The following OTOF variants were observed in gnomAD, a reference collection of about 807,000 sequenced individuals.
The protein encoded by OTOF is fer-1-like family member 2.
OTOF carries 218 observed loss-of-function variants against 236.8 expected under a neutral mutation model. That is an observed-to-expected ratio of 0.92 (90% CI 0.82 to 1.03). The LOEUF (loss-of-function observed/expected upper bound fraction) is 1.03. OTOF is among the 50% of genes least tolerant of loss of function. The probability of loss-of-function intolerance (pLI) is 0.00; values close to 1 mark genes in which losing one functional copy is unlikely to be tolerated. For missense variants in OTOF, 2,590 were observed against 2,694.4 expected, an observed-to-expected ratio of 0.96 and a Z score of 0.86; for synonymous variants, 1,041 against 1,072.5, an observed-to-expected ratio of 0.97 and a Z score of 0.57.
Position 26,461,971 on chromosome 2 carries a change from G to C in OTOF, c.5292-34C>G. 1.2e-6 allele frequency: 2 copies of C among 1,613,680 alleles called. No homozygotes were observed. The highest frequency in any genetic ancestry group is 2.2e-5 in the South Asian group (2 of 91,058). On this transcript the variant is annotated intron_variant, in intron 42 of 46. Transcript: ENST00000272371. This position sits in a 1 kb window ranked among gnomAD's most constrained non-coding sequence, Gnocchi z 6.2. Reference sequence around the variant, plus strand: ...GCCACATCTCCAGACCCGCAGCCAGGCTGGTGGGGCCTCTCCCACCCACAG... The same window carrying C: ...GCCACATCTCCAGACCCGCAGCCAGCCTGGTGGGGCCTCTCCCACCCACAG...
intron 2 of OTOF, among the ~76,000 whole-genome samples, chr2:26,534,004 T>A (rs1431292696): frequency 6.6e-6 from 1 of 152,062 alleles, no homozygotes; most frequent in African/African-American, 2.4e-5. Context: ...TCCTTGTTTG[T>A]AGTGGGTCCA....
At chr2:26,554,000 G>A (rs975157625) in intron 1 of OTOF, among the ~76,000 whole-genome samples, 3 of 152,036 alleles carry the variant, frequency 2.0e-5, no homozygotes, top group South Asian at 2.1e-4. Flanking sequence ...GTGAAACACC[G>A]TCTCTACTAA....
At chr2:26,520,882 A>G (rs1666660637) in intron 3 of OTOF, among the ~76,000 whole-genome samples, 1 of 152,246 alleles carries the variant, frequency 6.6e-6, no homozygotes, top group Non-Finnish European at 1.5e-5. Flanking sequence ...CATGAGCAGA[A>G]TCACCTGGAG....
chr2:26,485,029 C>A (rs1665668056), intron 11 of OTOF, among the ~76,000 whole-genome samples: 1 of 152,204 alleles, frequency 6.6e-6, no homozygotes, highest in African/African-American at 2.4e-5. Flanking sequence ...CCATCTTCAG[C>A]CCCTCTGGGG....
intron 5 of OTOF, among the ~76,000 whole-genome samples, chr2:26,513,493 T>A (rs970119680): frequency 2.6e-5 from 4 of 152,056 alleles, no homozygotes. Context: ...GCCCACTCAG[T>A]CTACCTCCCC....
intron 16 of OTOF, 80 bp from the exon 17 acceptor site, chr2:26,479,733 G>T: frequency 1.4e-6 from 2 of 1,454,178 alleles, no homozygotes; most frequent in Non-Finnish European, 1.9e-6. Flanking sequence ...TGCTGCCTTG[G>T]GTTTGGGAAA....
chr2:26,485,169 A>G (rs1665671386), intron 11 of OTOF, among the ~76,000 whole-genome samples: 1 of 152,280 alleles, frequency 6.6e-6, no homozygotes, highest in Non-Finnish European at 1.5e-5. Context: ...GCGGTTTTAT[A>G]TGCCCTTTTA....
At chr2:26,481,112 G>A in intron 14 of OTOF, 103 bp from the exon 15 acceptor site, 1 of 802,816 alleles carries the variant, frequency 1.2e-6, no homozygotes, top group South Asian at 1.5e-5. Flanking sequence ...CCTGGGTGCT[G>A]AGCTGAGAAC....
chr2:26,534,322 A>G (rs566556862), intron 2 of OTOF, among the ~76,000 whole-genome samples: 1 of 152,280 alleles, frequency 6.6e-6, no homozygotes, highest in Non-Finnish European at 1.5e-5. Flanking sequence ...AGCCAAACCA[A>G]ACTGGCTAAA....
In OTOF at chr2:26,474,627, C is replaced by G; in HGVS notation, c.3174G>C (p.Lys1058Asn). The G allele has an allele frequency of 6.2e-7, 1 of 1,613,356 alleles. No individual in the cohort carries two copies. The highest frequency in any genetic ancestry group is 8.5e-7 in the Non-Finnish European group (1 of 1,180,020). Residue 1058 changes from lysine (K) to asparagine (N), a missense_variant, in exon 26 of 47, where the codon AAG (lysine) becomes AAC (asparagine). Physicochemically the swap from Lys to Asn is moderately conservative, Grantham distance 94. Around this residue, in one of 2 missense-constraint regions of OTOF, gnomAD observed 1,211 missense variants for 1,352.8 expected, o/e 0.90. Transcript: ENST00000272371. ...MGRTFAKPLV[K>N]MADEAYCPPR... Reference sequence around the variant, plus strand: ...GTGGGCAGTACGCCTCGTCTGCCATCTTCACCAGGGGTTTGGCGAAGGTCC... The same window carrying G: ...GTGGGCAGTACGCCTCGTCTGCCATGTTCACCAGGGGTTTGGCGAAGGTCC...
In OTOF at chr2:26,482,510, C is replaced by T. The variant is rs1238419838; in HGVS notation, c.1475G>A (p.Cys492Tyr). ...TCGGATCTGCACCTTCATGCGTTTG[C>T]AGAGTGGGGGGAAGAGGTCTGTAAA... ...VVFTDLFPPLCKRMKVQIRDS... is the reference protein window; with the variant it reads ...VVFTDLFPPLYKRMKVQIRDS... The change falls in exon 14 of 47, where the codon TGC (cysteine) becomes TAC (tyrosine). Residue 492 changes from cysteine (C) to tyrosine (Y), a missense_variant. This residue lies in a region of OTOF where 1,379 missense variants were observed against 1,341.6 expected (regional missense o/e 1.03). Transcript: ENST00000272371. 8 of 1,613,382 alleles carry T rather than the reference C, an allele frequency of 5.0e-6. No individual in the cohort carries two copies. The highest frequency in any genetic ancestry group is 1.7e-5 in the Admixed American group (1 of 60,014).
chr2:26,475,943 A>C lies in OTOF; in HGVS notation c.2962T>G (p.Phe988Val), dbSNP rs753813808. Reference sequence around the variant, plus strand: ...GTGCACTGACTCTGATTGATGAAGAAGACGCGGGCAAAGGGGTCTGAGAGT... The same window carrying C: ...GTGCACTGACTCTGATTGATGAAGACGACGCGGGCAAAGGGGTCTGAGAGT... Reference protein sequence around the residue: ...SGLSDPFARVFFINQSQCTEV... With the variant: ...SGLSDPFARVVFINQSQCTEV... The change falls in exon 24 of 47, where the codon TTC becomes GTC. Residue 988 changes from phenylalanine to valine, a missense_variant. Physicochemically the swap from Phe to Val is conservative, Grantham distance 50. This residue lies in a region of OTOF where 1,379 missense variants were observed against 1,341.6 expected (regional missense o/e 1.03). Transcript: ENST00000272371. 6.2e-7 allele frequency: 1 copy of C among 1,611,142 alleles called. No individual in the cohort carries two copies. Among genetic ancestry groups the C allele is most frequent in the Non-Finnish European group, 8.5e-7 (1 of 1,179,278 alleles).
intron 1 of OTOF, among the ~76,000 whole-genome samples, chr2:26,552,363 G>A (rs987487576): frequency 2.0e-5 from 3 of 152,106 alleles, no homozygotes; most frequent in South Asian, 2.1e-4. Context: ...GCACTCCAGC[G>A]TGGGCGACAG....
At chr2:26,490,346 A>C (rs553197013) in intron 9 of OTOF, among the ~76,000 whole-genome samples, 2 of 152,240 alleles carry the variant, frequency 1.3e-5, no homozygotes, top group Non-Finnish European at 2.9e-5. Context: ...AAATAACGCA[A>C]GCCTCAGAGC....
At position 26,462,277 on chromosome 2, in the gene OTOF, G is replaced by A; in HGVS notation, c.5193-96C>T. 6 of 1,069,586 alleles carry A rather than the reference G, an allele frequency of 5.6e-6. No homozygotes were observed. Among genetic ancestry groups the A allele is most frequent in the South Asian group, 3.7e-5 (3 of 80,270 alleles). The allele number at this position is 1,069,586 out of a possible 1,614,324, so 66.3% of individuals were successfully genotyped here. On this transcript the variant is annotated intron_variant, in intron 41 of 46. Transcript: ENST00000272371. The surrounding 1 kb of genome is among the most constrained non-coding windows in gnomAD (Gnocchi z 4.7). ...GGGGCAGGCGGAGAGAAGCCCTGGG[G>A]TCTTGGGGTCAGCACAGGGCCTGGG... is the stretch of plus-strand genomic sequence containing the variant.
In OTOF at chr2:26,464,231, C is replaced by T. The variant is rs538384697; in HGVS notation, c.4961-125G>A. The T allele has an allele frequency of 1.9e-3, 2,277 of 1,217,192 alleles. 15 individuals are homozygous for T. The highest frequency in any genetic ancestry group is 0.011 in the South Asian group (809 of 76,868). 75.4% of individuals were successfully genotyped at this position (1,217,192 alleles called of 1,614,324 possible). Reference sequence around the variant, plus strand: ...TCACCTGTCTACCCCACCTCCTTTTCACTGTTGGGGAAACTGAGGCACAGA... The same window carrying T: ...TCACCTGTCTACCCCACCTCCTTTTTACTGTTGGGGAAACTGAGGCACAGA... On this transcript the variant is annotated intron_variant, in intron 39 of 46. Coordinates refer to ENST00000272371, the MANE Select transcript of OTOF (RefSeq NM_194248.3).
In OTOF at chr2:26,467,149, C is replaced by A. The variant is rs1664770502; in HGVS notation, c.4312G>T (p.Asp1438Tyr). 1.2e-6 allele frequency: 2 copies of A among 1,613,900 alleles called. No homozygotes were observed. The highest frequency in any genetic ancestry group is 1.1e-5 in the South Asian group (1 of 91,056). ...TFNLLRGKTG[D>Y]DEDGSTEEER... Reference sequence around the variant, plus strand: ...TCCTCGGTGGAGCCATCCTCATCATCCCCGGTCTTGCCCCGAAGCAAGTTG... The same window carrying A: ...TCCTCGGTGGAGCCATCCTCATCATACCCGGTCTTGCCCCGAAGCAAGTTG... The change falls in exon 35 of 47, where the codon GAT becomes TAT. Residue 1438 changes from aspartate to tyrosine, a missense_variant. By Grantham distance (160) the Asp-to-Tyr change is radical. This residue lies in a region of OTOF where 1,211 missense variants were observed against 1,352.8 expected (regional missense o/e 0.90). Transcript: ENST00000272371.
chr2:26,469,441 C>G (rs924282591), intron 32 of OTOF, among the ~76,000 whole-genome samples: 5 of 152,196 alleles, frequency 3.3e-5, no homozygotes, highest in Non-Finnish European at 4.4e-5. Context: ...AGCACACAGC[C>G]ACCTTGTGAA....
intron 3 of OTOF, among the ~76,000 whole-genome samples, chr2:26,519,613 C>T (rs1321406071): frequency 1.3e-5 from 2 of 152,180 alleles, no homozygotes; most frequent in Admixed American, 1.3e-4. Flanking sequence ...TGGCAGAGCC[C>T]ATGGAACTGC....
Sources: gnomAD v4.1 joint callset for allele counts (sites outside exome capture counted in the v4.1 genomes callset) on GRCh38, gnomAD v4.1.1 for gene constraint, gnomAD v4.1.1 regional missense constraint, Gnocchi (gnomAD v3.1) non-coding constraint, MANE v1.5 for transcripts, NCBI Gene and HGNC (gene_info 2026-07-23, HGNC 2026-07-21) for gene names.